The following USP6 variants were observed in gnomAD, a reference collection of about 807,000 sequenced individuals.
USP6 encodes the protein ubiquitin specific peptidase 6.
USP6 carries 128 observed loss-of-function variants against 175.7 expected under a neutral mutation model. That is an observed-to-expected ratio of 0.73 (90% CI 0.63 to 0.84). The LOEUF is 0.84. USP6 is among the 40% of genes least tolerant of loss of function. The probability of loss-of-function intolerance (pLI) is 0.00; values close to 1 mark genes in which losing one functional copy is unlikely to be tolerated. For missense variants in USP6, 1,498 were observed against 1,760.3 expected (o/e 0.85, Z 2.67); for synonymous variants, 562 against 630.6 (o/e 0.89, Z 1.63).
rs780660987 is a variant in USP6, at chr17:5,141,375, G to A, written c.1499-50G>A. On this transcript the variant is annotated intron_variant, in intron 22 of 37. Coordinates refer to ENST00000574788, the MANE Select transcript of USP6 (RefSeq NM_001304284.2). ...AAAAAAAACAGAAGCAATCAAGTGG[G>A]TGTAAATTAGACAGATAAGAAATTA... 3.5e-5 allele frequency: 52 copies of A among 1,503,508 alleles called. 1 individual carries two copies. The East Asian group carries it at 1.1e-3, about 33-fold the overall frequency. 93.1% of individuals were successfully genotyped at this position (1,503,508 alleles called of 1,614,324 possible).
Position 5,120,667 on chromosome 17 carries a change from G to T in USP6, c.-1796G>T, listed in dbSNP as rs182232657. 3 of 399,710 alleles carry T rather than the reference G, an allele frequency of 7.5e-6. No individual in the cohort carries two copies. The East Asian group carries it at 2.1e-4, about 28-fold the overall frequency. 24.8% of individuals were successfully genotyped at this position (399,710 alleles called of 1,614,324 possible). On this transcript the variant is annotated 5_prime_UTR_variant, in exon 3 of 38. Transcript: ENST00000574788. ...TGAGGTCAGGTGGATGAGGATGTCAGTGTGAAGATGGACACTGTGCCTGGA... is the reference window on the plus strand; with the variant it reads ...TGAGGTCAGGTGGATGAGGATGTCATTGTGAAGATGGACACTGTGCCTGGA...
chr17:5,161,790 T>TG (rs1026409889), intron 32 of USP6, among the ~76,000 whole-genome samples, 176 bp downstream of exon 32: 8 of 151,990 alleles, frequency 5.3e-5, no homozygotes, highest in African/African-American at 1.9e-4. Context: ...CCGAGGCGGG[T>TG]GGATCACCTG....
At chr17:5,128,518 T>A (rs1390732246) in intron 7 of USP6, 3 of 152,064 alleles carry the variant, frequency 2.0e-5, no homozygotes, top group African/African-American at 7.3e-5. Context: ...GTCAGGGAGG[T>A]CTGAAGCTGG....
At position 5,146,187 on chromosome 17, in the gene USP6, A is replaced by T. The variant is rs553667055; in HGVS notation, c.2319+13A>T. Reference sequence around the variant, plus strand: ...TTCCAACATAAAGGTAATGTTAACTACTCTAAGAAACTTTTGATTCTATCC... The same window carrying T: ...TTCCAACATAAAGGTAATGTTAACTTCTCTAAGAAACTTTTGATTCTATCC... On this transcript the variant is annotated intron_variant, in intron 28 of 37. Coordinates refer to ENST00000574788, the MANE Select transcript of USP6 (RefSeq NM_001304284.2). 6.3e-7 allele frequency: 1 copy of T among 1,589,518 alleles called. No homozygotes were observed. The highest frequency in any genetic ancestry group is 8.6e-7 in the Non-Finnish European group (1 of 1,166,420).
chr17:5,161,833 A>T (rs1403366929), intron 32 of USP6, among the ~76,000 whole-genome samples: 1 of 152,128 alleles, frequency 6.6e-6, no homozygotes, highest in Non-Finnish European at 1.5e-5. Flanking sequence ...CTAACCTGGT[A>T]AAACCCCATC....
At chr17:5,159,365 G>A (rs756000099) in intron 31 of USP6, among the ~76,000 whole-genome samples, 1 of 152,188 alleles carries the variant, frequency 6.6e-6, no homozygotes, top group Non-Finnish European at 1.5e-5. Flanking sequence ...GGTGGAGGAA[G>A]TTATTGTTGG....
At position 5,173,104 on chromosome 17, in the gene USP6, T is replaced by C. The variant is rs2074262430; in HGVS notation, c.*126T>C. 8.2e-7 allele frequency: 1 copy of C among 1,222,716 alleles called. No homozygotes were observed. Among genetic ancestry groups the C allele is most frequent in the Non-Finnish European group, 1.1e-6 (1 of 891,338 alleles). The allele number at this position is 1,222,716 out of a possible 1,614,324, so 75.7% of individuals were successfully genotyped here. A position where few individuals can be genotyped will look rare whatever the true frequency, so the allele number is the denominator to read the frequency against. On this transcript the variant is annotated 3_prime_UTR_variant, in exon 38 of 38. Coordinates refer to ENST00000574788, the MANE Select transcript of USP6 (RefSeq NM_001304284.2). ...TATTTTATCCTGTTAGAACAAAAAT[T>C]CTAATTAAAATAGTTAACTTGAAGA...
intron 31 of USP6, among the ~76,000 whole-genome samples, chr17:5,155,844 C>T (rs2073871786): frequency 6.6e-6 from 1 of 152,158 alleles, no homozygotes; most frequent in African/African-American, 2.4e-5. Flanking sequence ...AGGGACAATA[C>T]AGCTTCCTTT....
intron 11 of USP6, among the ~76,000 whole-genome samples, chr17:5,131,327 G>T (rs2073059680): frequency 6.6e-6 from 1 of 151,244 alleles, no homozygotes; most frequent in Admixed American, 6.6e-5. Context: ...GGTAAGAGGA[G>T]CCCAGCCTGG....
At chr17:5,168,351 T>C (rs905355056) in intron 34 of USP6, among the ~76,000 whole-genome samples, 9 of 152,018 alleles carry the variant, frequency 5.9e-5, no homozygotes, top group African/African-American at 2.2e-4. Flanking sequence ...AGATCAATCA[T>C]GTAGCCCAGT....
At position 5,139,617 on chromosome 17, in the gene USP6, G is replaced by C. The variant is rs2073380849; in HGVS notation, c.1441G>C (p.Ala481Pro). The change falls in exon 22 of 38, where the codon GCC becomes CCC. Residue 481 changes from alanine to proline, a missense_variant. Physicochemically the swap from Ala to Pro is conservative, Grantham distance 27 (BLOSUM62 -1). This residue lies in a region of USP6 where 1,217 missense variants were observed against 1,500.8 expected (regional missense o/e 0.81). Transcript: ENST00000574788. ...TTTTGAATGGAGCTGCTGGGTCCGT[G>C]CCATATCCCAGGAGGACCAGCTGGC... ...YDFEWSCWVR[A>P]ISQEDQLATC... 6.2e-7 allele frequency: 1 copy of C among 1,613,054 alleles called. No individual in the cohort carries two copies. The highest frequency in any genetic ancestry group is 1.7e-5 in the Admixed American group (1 of 60,006).
chr17:5,138,030 A>G, intron 20 of USP6, 91 bp from the exon 21 acceptor site: 1 of 1,598,114 alleles, frequency 6.3e-7, no homozygotes, highest in Non-Finnish European at 8.5e-7. Context: ...AGGATTCGGC[A>G]CCGCCCAGTG....
chr17:5,134,691 C>G (rs1159602646), intron 15 of USP6: 4 of 185,982 alleles, frequency 2.2e-5, no homozygotes, highest in Non-Finnish European at 3.4e-5. Context: ...CCTGCACGAA[C>G]GTGGGTGGAT....
chr17:5,148,155 A>C (rs549677786), intron 29 of USP6, among the ~76,000 whole-genome samples: 52 of 152,268 alleles, frequency 3.4e-4, no homozygotes, highest in Non-Finnish European at 5.4e-4. Context: ...TAGGATTACA[A>C]ATGTGAGCTG....
At position 5,137,659 on chromosome 17, in the gene USP6, C is replaced by T. The variant is rs372674186; in HGVS notation, c.834C>T (p.Leu278=). ...LLRNLIDGIS[L]GLTLRLWDVY... ...ACCTGCTGTCCCCACAGATCTCTCTCGGGCTCACCCTGCGCCTGTGGGACG... is the reference window on the plus strand; with the variant it reads ...ACCTGCTGTCCCCACAGATCTCTCTTGGGCTCACCCTGCGCCTGTGGGACG... Residue 278 remains leucine (L), a synonymous_variant, in exon 20 of 38, where the codon CTC becomes CTT. Transcript: ENST00000574788. 8.1e-5 allele frequency: 130 copies of T among 1,604,936 alleles called. No homozygotes were observed. The highest frequency in any genetic ancestry group is 2.4e-4 in the South Asian group (22 of 91,018).
At chr17:5,123,589 G>T (rs1213191632) in intron 4 of USP6, among the ~76,000 whole-genome samples, 2 of 152,152 alleles carry the variant, frequency 1.3e-5, no homozygotes, top group Non-Finnish European at 2.9e-5. Context: ...GGGCACGCCG[G>T]CCTGGGACCC....
chr17:5,164,066 C>G (rs1193088042), intron 33 of USP6, among the ~76,000 whole-genome samples: 1 of 152,180 alleles, frequency 6.6e-6, no homozygotes, highest in Non-Finnish European at 1.5e-5. Flanking sequence ...GTAAAAGCAA[C>G]AGAGTCAAAG....
At chr17:5,130,531 G>C in intron 10 of USP6, 71 bp from the exon 11 acceptor site, 2 of 1,610,798 alleles carry the variant, frequency 1.2e-6, no homozygotes, top group East Asian at 4.5e-5. Context: ...GGCAGGGACG[G>C]GTGGCCAATA....
At position 5,132,195 on chromosome 17, in the gene USP6, C is replaced by T. The variant is rs1451706848; in HGVS notation, c.156-201C>T. The T allele has an allele frequency of 4.5e-6, 7 of 1,538,904 alleles. No homozygotes were observed. The East Asian group carries it at 1.5e-4, about 32-fold the overall frequency. On this transcript the variant is annotated intron_variant, in intron 11 of 37. Coordinates refer to ENST00000574788, the MANE Select transcript of USP6 (RefSeq NM_001304284.2). The surrounding 1 kb of genome is among the most constrained non-coding windows in gnomAD (Gnocchi z 4.7). ...AGTAACCCCAGCCAGGCTGTCCCTG[C>T]ACTCCTTCTTCTCCCAGGTCCTGCC...
Sources: allele counts gnomAD v4.1 joint callset (sites outside exome capture counted in the v4.1 genomes callset), GRCh38; gene constraint gnomAD v4.1.1; regional missense constraint gnomAD v4.1.1; non-coding constraint Gnocchi (gnomAD v3.1); transcripts MANE v1.5; gene names NCBI Gene and HGNC (gene_info 2026-07-23, HGNC 2026-07-21).